Variants in GABRB2 observed in about 807,000 individuals in gnomAD.
GABRB2 encodes the protein gamma-aminobutyric acid receptor subunit beta-2.
A neutral mutation model predicts 54.7 loss-of-function variants in GABRB2; 16 were observed. The ratio of observed to expected loss-of-function variants is 0.29; its 90% CI spans 0.20 to 0.44. The LOEUF is 0.44. Among genes scored for constraint, GABRB2 ranks in the 20% least tolerant of loss-of-function variants. The pLI, the probability that GABRB2 is intolerant of heterozygous loss-of-function variation, is 1.00. For missense variants in GABRB2, 355 were observed against 644.0 expected (o/e 0.55, Z 4.86); for synonymous variants, 244 against 233.8 (o/e 1.04, Z -0.40).
In GABRB2 at chr5:161,330,868, G is replaced by C; in HGVS notation, c.1077+15C>G. On this transcript the variant is annotated intron_variant, in intron 8 of 9. Transcript: ENST00000393959. Reference sequence around the variant, plus strand: ...TGAGTTTAAGAAGCAAGGAGGGCTTGCCCTCTGAATTTACCTTGTTGACAT... The same window carrying C: ...TGAGTTTAAGAAGCAAGGAGGGCTTCCCCTCTGAATTTACCTTGTTGACAT... 6.2e-7 allele frequency: 1 copy of C among 1,614,162 alleles called. No homozygotes were observed. The highest frequency in any genetic ancestry group is 8.5e-7 in the Non-Finnish European group (1 of 1,180,014).
chr5:161,372,091 T>G (rs934676700), intron 5 of GABRB2, among the ~76,000 whole-genome samples: 6 of 152,142 alleles, frequency 3.9e-5, no homozygotes, highest in African/African-American at 1.4e-4. Flanking sequence ...TCCTTTTTCA[T>G]TTGTTTTACT....
intron 9 of GABRB2, among the ~76,000 whole-genome samples, chr5:161,298,813 A>T (rs994122232): frequency 2.0e-5 from 3 of 152,232 alleles, no homozygotes; most frequent in Admixed American, 2.0e-4. Context: ...ACCATTTTAC[A>T]TATTGACCTC....
At chr5:161,433,335 C>T (rs1341468857) in intron 4 of GABRB2, among the ~76,000 whole-genome samples, 1 of 151,700 alleles carries the variant, frequency 6.6e-6, no homozygotes, top group Non-Finnish European at 1.5e-5. Flanking sequence ...TGTGATGGCT[C>T]ATGCCTGTAA....
At chr5:161,380,693 C>G (rs1221348344) in intron 5 of GABRB2, among the ~76,000 whole-genome samples, 2 of 152,060 alleles carry the variant, frequency 1.3e-5, no homozygotes, top group African/African-American at 4.8e-5. Context: ...TGAGTTCAAT[C>G]AAGTCTTAAG....
intron 9 of GABRB2, among the ~76,000 whole-genome samples, chr5:161,300,656 G>A (rs1204305027): frequency 6.6e-6 from 1 of 152,156 alleles, no homozygotes; most frequent in Non-Finnish European, 1.5e-5. Context: ...AGACTACTCT[G>A]GAGGCCTTGT....
At chr5:161,467,914 T>C (rs1260130835) in intron 3 of GABRB2, among the ~76,000 whole-genome samples, 1 of 152,126 alleles carries the variant, frequency 6.6e-6, no homozygotes, top group Non-Finnish European at 1.5e-5. Flanking sequence ...AATTTCCTGT[T>C]GGATACATGG....
At chr5:161,523,183 T>C (rs1760171140) in intron 3 of GABRB2, among the ~76,000 whole-genome samples, 1 of 151,514 alleles carries the variant, frequency 6.6e-6, no homozygotes, top group Non-Finnish European at 1.5e-5. Context: ...CCAAGATTCC[T>C]TAACCCAGGT....
At chr5:161,471,962 CTATAAGTTATATA>C (rs951102586) in intron 3 of GABRB2, among the ~76,000 whole-genome samples, 39 of 151,840 alleles carry the variant, frequency 2.6e-4, no homozygotes, top group African/African-American at 8.7e-4. Context: ...CACAATAGCA[CTATAAGTTATATA>C]TTAGATTAAC....
At chr5:161,481,026 A>C (rs1445442353) in intron 3 of GABRB2, among the ~76,000 whole-genome samples, 1 of 152,086 alleles carries the variant, frequency 6.6e-6, no homozygotes, top group Non-Finnish European at 1.5e-5. Context: ...TATGAACACT[A>C]TATAAATATT....
At chr5:161,515,010 T>C (rs1759893523) in intron 3 of GABRB2, among the ~76,000 whole-genome samples, 1 of 152,170 alleles carries the variant, frequency 6.6e-6, no homozygotes, top group Non-Finnish European at 1.5e-5. Flanking sequence ...TCCGTATTTG[T>C]CAATGCTGCC....
chr5:161,496,457 T>C, intron 3 of GABRB2, among the ~76,000 whole-genome samples: 3 of 151,972 alleles, frequency 2.0e-5, no homozygotes, highest in Admixed American at 2.0e-4. Flanking sequence ...TGAAATATTA[T>C]GTTATACATG....
chr5:161,409,769 G>GT lies in GABRB2; in HGVS notation c.541+1205dup, dbSNP rs145224574. On this transcript the variant is annotated intron_variant, in intron 5 of 9. Transcript: ENST00000393959. ...TTATTATGCTTTCTAAATTGTAGCC[G>GT]TAAGTTTAGAAAAAGCAACATGCAA... is the stretch of plus-strand genomic sequence containing the variant. Among the ~76,000 whole-genome samples the GT allele has an allele frequency of 3.6e-4, 55 of 152,166 alleles. No individual in the cohort carries two copies. In the East Asian group the frequency reaches 9.4e-3, roughly 26 times the overall value.
At chr5:161,466,442 A>C (rs752254275) in intron 3 of GABRB2, among the ~76,000 whole-genome samples, 19 of 152,052 alleles carry the variant, frequency 1.2e-4, no homozygotes, top group Non-Finnish European at 2.4e-4. Context: ...CATGCTTTCT[A>C]AATTTCTCTT....
chr5:161,380,042 T>C (rs1271062399), intron 5 of GABRB2, among the ~76,000 whole-genome samples: 1 of 152,190 alleles, frequency 6.6e-6, no homozygotes, highest in Non-Finnish European at 1.5e-5. Context: ...AAAACTTATC[T>C]ATGTGTCCCT....
intron 9 of GABRB2, among the ~76,000 whole-genome samples, chr5:161,297,417 T>C (rs893007345): frequency 4.6e-5 from 7 of 152,176 alleles, no homozygotes; most frequent in African/African-American, 7.2e-5. Flanking sequence ...TTTCTCCTAA[T>C]GCTATCCCTC....
chr5:161,477,284 C>CAAAAAAAAA (rs70990786), intron 3 of GABRB2, among the ~76,000 whole-genome samples: 3 of 127,848 alleles, frequency 2.3e-5, no homozygotes, highest in East Asian at 2.3e-4. Context: ...CAAACAAAAG[C>CAAAAAAAAA]AAAAAAAAAA....
intron 9 of GABRB2, among the ~76,000 whole-genome samples, chr5:161,298,589 C>A (rs950771741): frequency 6.6e-6 from 1 of 152,196 alleles, no homozygotes; most frequent in Non-Finnish European, 1.5e-5. Flanking sequence ...TTTGCAACAC[C>A]AGCCTAAAGA....
At chr5:161,424,783 A>G (rs1214601246) in intron 4 of GABRB2, among the ~76,000 whole-genome samples, 13 of 152,140 alleles carry the variant, frequency 8.5e-5, no homozygotes, top group Non-Finnish European at 2.9e-5. Context: ...GCTGTCATGT[A>G]TAGTGATTCC....
intron 3 of GABRB2, among the ~76,000 whole-genome samples, chr5:161,486,701 T>TC (rs1758935380): frequency 6.6e-6 from 1 of 151,846 alleles, no homozygotes; most frequent in Non-Finnish European, 1.5e-5. Context: ...AAGACAGATA[T>TC]GCTTTTCCCT....
Sources: allele counts gnomAD v4.1 joint callset (sites outside exome capture counted in the v4.1 genomes callset), GRCh38; gene constraint gnomAD v4.1.1; transcripts MANE v1.5; gene names NCBI Gene and HGNC (gene_info 2026-07-23, HGNC 2026-07-21).